The following TMEM178B variants were observed in gnomAD, a reference collection of about 807,000 sequenced individuals.
The protein encoded by TMEM178B is transmembrane protein 178B.
TMEM178B carries 5 observed loss-of-function variants against 31.0 expected under a neutral mutation model. The observed-to-expected ratio is 0.16, with a 90% confidence interval of 0.08 to 0.34. The LOEUF (loss-of-function observed/expected upper bound fraction) is 0.34. Ranked by LOEUF, TMEM178B falls within the 10% of genes least tolerant of loss-of-function variation. The probability of loss-of-function intolerance (pLI) is 1.00; values close to 1 mark genes in which losing one functional copy is unlikely to be tolerated. For synonymous variants in TMEM178B, 164 were observed against 164.0 expected, an observed-to-expected ratio of 1.00 and a Z score of 0.00; for missense variants, 275 against 400.3, an observed-to-expected ratio of 0.69 and a Z score of 2.67.
rs1173563809 is a variant in TMEM178B, at chr7:141,422,710, C to G, written c.497-14898C>G. ...GTTCTCTTGAGGGCCTTTTTCTGTC[C>G]TTGAGCCAGCTACCACCAGCTTGAG... On this transcript the variant is annotated intron_variant, in intron 2 of 3. Coordinates refer to ENST00000565468, the MANE Select transcript of TMEM178B (RefSeq NM_001195278.2). This position sits in a 1 kb window ranked among gnomAD's most constrained non-coding sequence, Gnocchi z 4.2. 6.6e-6 allele frequency among the ~76,000 whole-genome samples: 1 copy of G among 152,160 alleles called. No homozygotes were observed. Among genetic ancestry groups the G allele is most frequent in the Non-Finnish European group, 1.5e-5 (1 of 68,038 alleles).
At chr7:141,337,576 A>C (rs1799446064) in intron 2 of TMEM178B, among the ~76,000 whole-genome samples, 1 of 152,202 alleles carries the variant, frequency 6.6e-6, no homozygotes, top group South Asian at 2.1e-4. Context: ...AGAGATACTC[A>C]ATAATTTGCC....
chr7:141,324,434 T>G (rs567427143), intron 2 of TMEM178B, among the ~76,000 whole-genome samples: 12 of 122,518 alleles, frequency 9.8e-5, no homozygotes, highest in East Asian at 2.2e-4. Flanking sequence ...TTTTTTTTTT[T>G]TTTTTTTTTT....
At chr7:141,397,224 G>T (rs1053577282) in intron 2 of TMEM178B, among the ~76,000 whole-genome samples, 1 of 152,158 alleles carries the variant, frequency 6.6e-6, no homozygotes, top group Non-Finnish European at 1.5e-5. Flanking sequence ...CCCAGAAATG[G>T]TACAGTGAGA....
At chr7:141,105,258 C>T (rs1795124458) in intron 1 of TMEM178B, among the ~76,000 whole-genome samples, 1 of 152,180 alleles carries the variant, frequency 6.6e-6, no homozygotes, top group Admixed American at 6.5e-5. Context: ...CCTGTAATCC[C>T]AGCACTTTGG....
intron 1 of TMEM178B, among the ~76,000 whole-genome samples, chr7:141,176,685 G>T (rs1286709259): frequency 1.3e-5 from 2 of 152,112 alleles, no homozygotes; most frequent in African/African-American, 4.8e-5. Flanking sequence ...GTTTAGTCTT[G>T]GGAGGCTGTA....
At chr7:141,470,250 G>C (rs913926846) in intron 3 of TMEM178B, among the ~76,000 whole-genome samples, 1 of 152,134 alleles carries the variant, frequency 6.6e-6, no homozygotes, top group Non-Finnish European at 1.5e-5. Context: ...AAATGCTCAT[G>C]AGATATCTAT....
intron 2 of TMEM178B, among the ~76,000 whole-genome samples, chr7:141,215,111 A>G (rs1001332888): frequency 6.6e-6 from 1 of 152,150 alleles, no homozygotes; most frequent in South Asian, 2.1e-4. Context: ...TTTAATTTTT[A>G]GAGGTCAGAT....
At chr7:141,375,133 G>T (rs1225648863) in intron 2 of TMEM178B, among the ~76,000 whole-genome samples, 1 of 152,210 alleles carries the variant, frequency 6.6e-6, no homozygotes, top group Non-Finnish European at 1.5e-5. Context: ...CCGGATGATG[G>T]TCATGACCAT....
Position 141,344,057 on chromosome 7 carries a change from G to T in TMEM178B, c.497-93551G>T, listed in dbSNP as rs879757936. 3.2e-4 allele frequency among the ~76,000 whole-genome samples: 48 copies of T among 152,140 alleles called. No individual in the cohort carries two copies. Among genetic ancestry groups the T allele is most frequent in the African/African-American group, 1.0e-3 (42 of 41,414 alleles). ...ATTGTGACAGATTTTAAAATACGGAGTATATGAGATATTGGCTCCTCACTA... is the reference window on the plus strand; with the variant it reads ...ATTGTGACAGATTTTAAAATACGGATTATATGAGATATTGGCTCCTCACTA... On this transcript the variant is annotated intron_variant, in intron 2 of 3. Transcript: ENST00000565468. The surrounding 1 kb of genome is among the most constrained non-coding windows in gnomAD (Gnocchi z 4.1).
chr7:141,118,657 G>A (rs1795362718), intron 1 of TMEM178B, among the ~76,000 whole-genome samples: 1 of 152,170 alleles, frequency 6.6e-6, no homozygotes, highest in Admixed American at 6.5e-5. Flanking sequence ...CAATTTTGAA[G>A]ACTCTTTGCT....
In TMEM178B at chr7:141,233,404, C is replaced by T. The variant is rs550527411; in HGVS notation, c.496+20700C>T. On this transcript the variant is annotated intron_variant, in intron 2 of 3. Coordinates refer to ENST00000565468, the MANE Select transcript of TMEM178B (RefSeq NM_001195278.2). ...GTCGAATTTCTATTGCTCTCAGCTG[C>T]GTGAGCACTGTTCTGAGAATAAATT... 5.8e-4 allele frequency among the ~76,000 whole-genome samples: 89 copies of T among 152,304 alleles called. 1 individual carries two copies. The highest frequency in any genetic ancestry group is 1.9e-3 in the African/African-American group (78 of 41,564).
intron 2 of TMEM178B, among the ~76,000 whole-genome samples, chr7:141,376,953 A>C (rs1049567160): frequency 2.0e-5 from 3 of 152,160 alleles, no homozygotes; most frequent in Admixed American, 6.5e-5. Context: ...GACTGGAAAA[A>C]ATTGCTGTAG....
At chr7:141,358,505 G>A (rs573840780) in intron 2 of TMEM178B, among the ~76,000 whole-genome samples, 44 of 152,198 alleles carry the variant, frequency 2.9e-4, no homozygotes, top group Non-Finnish European at 5.4e-4. Context: ...TCTCTACCCA[G>A]AGACAGGGAT....
intron 1 of TMEM178B, among the ~76,000 whole-genome samples, chr7:141,085,471 ATT>A (rs567194479): frequency 1.3e-5 from 2 of 148,452 alleles, no homozygotes; most frequent in Non-Finnish European, 3.0e-5. Flanking sequence ...ATTTCAATTG[ATT>A]TTTTTTTTGG....
intron 2 of TMEM178B, among the ~76,000 whole-genome samples, chr7:141,374,749 A>G (rs1015371700): frequency 6.6e-6 from 1 of 152,058 alleles, no homozygotes; most frequent in Non-Finnish European, 1.5e-5. Context: ...TTTGTAGGCA[A>G]TTTTCTCTGT....
intron 1 of TMEM178B, among the ~76,000 whole-genome samples, chr7:141,170,301 C>T (rs1230780592): frequency 6.6e-6 from 1 of 152,138 alleles, no homozygotes; most frequent in Non-Finnish European, 1.5e-5. Flanking sequence ...TGGATAGAGT[C>T]CCTTCCATTT....
intron 3 of TMEM178B, among the ~76,000 whole-genome samples, chr7:141,457,119 A>G (rs1801979198): frequency 6.6e-6 from 1 of 152,178 alleles, no homozygotes. Context: ...AGGTGGGCCA[A>G]GTGGAGTGGG....
Position 141,478,587 on chromosome 7 carries a change from T to C in TMEM178B, c.*7801T>C, listed in dbSNP as rs1361988686. On this transcript the variant is annotated 3_prime_UTR_variant, in exon 4 of 4. Coordinates refer to ENST00000565468, the MANE Select transcript of TMEM178B (RefSeq NM_001195278.2). ...AGTCCAAAGAAACAGCTAAAATCAG[T>C]GAAATTAATTTTTAGACTACATTTT... 1 of 152,186 alleles carries C rather than the reference T, an allele frequency of 6.6e-6. No individual in the cohort carries two copies. The highest frequency in any genetic ancestry group is 1.5e-5 in the Non-Finnish European group (1 of 68,034). The allele number at this position is 152,186 out of a possible 1,614,324, so 9.4% of individuals were successfully genotyped here.
intron 2 of TMEM178B, among the ~76,000 whole-genome samples, chr7:141,402,918 GAGGAACCTACTGCCCTTGGC>G (rs1334089362): frequency 1.3e-5 from 2 of 152,234 alleles, no homozygotes; most frequent in Non-Finnish European, 2.9e-5. Context: ...CTGCTATAAA[GAGGAACCTACTGCCCTTGGC>G]AGCATTCTCT....
Sources: gnomAD v4.1 joint callset for allele counts (sites outside exome capture counted in the v4.1 genomes callset) on GRCh38, gnomAD v4.1.1 for gene constraint, Gnocchi (gnomAD v3.1) non-coding constraint, MANE v1.5 for transcripts, NCBI Gene and HGNC (gene_info 2026-07-23, HGNC 2026-07-21) for gene names.